SPMIP5: variants seen among roughly 807,000 people sequenced by gnomAD.
SPMIP5 encodes the protein sperm microtubule inner protein 5, also known as sperm-associated microtubule inner protein 5.
At chr10:116,664,692 A>G in the SPMIP5 span, 3 of 1,566,566 alleles carry the variant, frequency 1.9e-6, no homozygotes, top group Middle Eastern at 1.9e-4. Flanking sequence ...CATCTGGTAA[A>G]CCCCCATCCT....
At chr10:116,664,852 T>C in the SPMIP5 span, 3 of 1,614,064 alleles carry the variant, frequency 1.9e-6, no homozygotes, top group Non-Finnish European at 2.5e-6. Context: ...GTGTATCTCG[T>C]GCCACAGCCA....
the SPMIP5 span, chr10:116,664,768 A>G: frequency 1.1e-5 from 18 of 1,613,792 alleles, no homozygotes; most frequent in African/African-American, 1.9e-4. Flanking sequence ...CACTCTTCAT[A>G]TGGTTTCAGA....
At chr10:116,664,085 A>T in the SPMIP5 span, 2 of 1,612,584 alleles carry the variant, frequency 1.2e-6, no homozygotes, top group East Asian at 4.5e-5. Context: ...AGTTGCAGGG[A>T]GCTGGCCCAG....
the SPMIP5 span, chr10:116,664,604 G>C: frequency 7.2e-7 from 1 of 1,386,580 alleles, no homozygotes; most frequent in Non-Finnish European, 9.5e-7. Context: ...CTGCCTACTG[G>C]GGAAGCCCTG....
the SPMIP5 span, among the ~76,000 whole-genome samples, chr10:116,666,597 A>G: frequency 5.9e-5 from 9 of 152,124 alleles, no homozygotes; most frequent in Non-Finnish European, 8.8e-5. Context: ...CTGGCTTCAG[A>G]GTTGAAAGTA....
chr10:116,664,215 T>A, the SPMIP5 span: 1 of 1,613,726 alleles, frequency 6.2e-7, no homozygotes, highest in Non-Finnish European at 8.5e-7. Context: ...CAGCTCTTCA[T>A]GCTGCAAAAC....
the SPMIP5 span, chr10:116,664,940 T>C: frequency 6.0e-5 from 96 of 1,611,150 alleles, no homozygotes; most frequent in Non-Finnish European, 7.8e-5. Flanking sequence ...TCTTTACATA[T>C]TTGCATTCTG....
chr10:116,663,937 GGC>G, the SPMIP5 span: 1 of 1,537,326 alleles, frequency 6.5e-7, no homozygotes, highest in African/African-American at 1.4e-5. Context: ...GGAGGACAGT[GGC>G]TCTAGATACA....
At chr10:116,663,484 G>A in the SPMIP5 span, among the ~76,000 whole-genome samples, 1 of 152,094 alleles carries the variant, frequency 6.6e-6, no homozygotes, top group Non-Finnish European at 1.5e-5. Flanking sequence ...GGACCCTCCT[G>A]GGGACTGGGA....
At chr10:116,664,367 T>C in the SPMIP5 span, 3 of 897,638 alleles carry the variant, frequency 3.3e-6, no homozygotes, top group Non-Finnish European at 4.9e-6. Context: ...TATGAGTAAA[T>C]ATATGAACAT....
the SPMIP5 span, chr10:116,665,628 T>C: frequency 7.4e-5 from 120 of 1,613,864 alleles, no homozygotes; most frequent in African/African-American, 1.3e-3. Flanking sequence ...GGGGTGGTAC[T>C]GCAGATTGTA....
the SPMIP5 span, among the ~76,000 whole-genome samples, chr10:116,666,733 GA>G: frequency 6.6e-6 from 1 of 152,154 alleles, no homozygotes; most frequent in Non-Finnish European, 1.5e-5. Context: ...ATGATTAAAA[GA>G]TATCCTAACA....
chr10:116,668,445 G>C, the SPMIP5 span: 1 of 810,554 alleles, frequency 1.2e-6, no homozygotes, highest in South Asian at 1.5e-5. Context: ...TTGGGGCTGA[G>C]AGGCAGCACT....
the SPMIP5 span, chr10:116,664,477 C>A: frequency 4.0e-6 from 3 of 754,886 alleles, no homozygotes; most frequent in Non-Finnish European, 5.9e-6. Flanking sequence ...GGGCCTTAAG[C>A]CACTGCCAGG....
At chr10:116,668,933 G>GCACACACGCACACACACACA in the SPMIP5 span, among the ~76,000 whole-genome samples, 11 of 135,380 alleles carry the variant, frequency 8.1e-5, no homozygotes, top group East Asian at 2.3e-3. Flanking sequence ...GCACACACAT[G>GCACACACGCACACACACACA]CACACACACA....
the SPMIP5 span, among the ~76,000 whole-genome samples, chr10:116,668,695 C>T: frequency 6.6e-6 from 1 of 151,950 alleles, no homozygotes; most frequent in African/African-American, 2.4e-5. Flanking sequence ...CCCAGAAGCC[C>T]CTGTGTTAGG....
At chr10:116,669,111 G>C in the SPMIP5 span, among the ~76,000 whole-genome samples, 1 of 152,166 alleles carries the variant, frequency 6.6e-6, no homozygotes, top group East Asian at 1.9e-4. Flanking sequence ...TGCTGTTTCT[G>C]CAATAAGACA....
chr10:116,663,233 CA>C, the SPMIP5 span, among the ~76,000 whole-genome samples: 1 of 151,552 alleles, frequency 6.6e-6, no homozygotes. Context: ...GAGAGGCACC[CA>C]GGGGGCCTGG....
the SPMIP5 span, chr10:116,664,614 G>GGGGCTGT: frequency 6.9e-7 from 1 of 1,441,994 alleles, no homozygotes; most frequent in South Asian, 1.5e-5. Flanking sequence ...GGGAAGCCCT[G>GGGGCTGT]AAACTACAAA....
Sources: allele counts gnomAD v4.1 joint callset (sites outside exome capture counted in the v4.1 genomes callset), GRCh38; gene constraint gnomAD v4.1.1; transcripts MANE v1.5; gene names NCBI Gene and HGNC (gene_info 2026-07-23, HGNC 2026-07-21).